The following DOCK9 variants were observed in gnomAD, a reference collection of about 807,000 sequenced individuals.
The protein encoded by DOCK9 is dedicator of cytokinesis 9.
DOCK9 carries 89 observed loss-of-function variants against 263.3 expected under a neutral mutation model. The observed-to-expected ratio is 0.34, with a 90% confidence interval of 0.28 to 0.40. The LOEUF (loss-of-function observed/expected upper bound fraction) is 0.40. Ranked by LOEUF, DOCK9 falls within the 10% of genes least tolerant of loss-of-function variation. The pLI is 1.00. For missense variants in DOCK9, 2,140 were observed against 2,603.4 expected, an observed-to-expected ratio of 0.82 and a Z score of 3.87; for synonymous variants, 976 against 973.1, an observed-to-expected ratio of 1.00 and a Z score of -0.06.
At chr13:98,958,485 G>A (rs560833898) in intron 1 of DOCK9, among the ~76,000 whole-genome samples, 6 of 152,322 alleles carry the variant, frequency 3.9e-5, no homozygotes, top group South Asian at 2.1e-4. Flanking sequence ...AGCAGGAGTC[G>A]ACAACTCTTT....
At chr13:98,809,278 G>T (rs1186676082) in intron 47 of DOCK9, 74 bp downstream of exon 47, 2 of 1,274,356 alleles carry the variant, frequency 1.6e-6, no homozygotes, top group Non-Finnish European at 2.2e-6. Flanking sequence ...CTTTATTATA[G>T]TTTTTTTTTT....
At chr13:98,802,589 G>C (rs965801020) in intron 49 of DOCK9, among the ~76,000 whole-genome samples, 7 of 152,188 alleles carry the variant, frequency 4.6e-5, no homozygotes, top group Non-Finnish European at 1.0e-4. Context: ...TGAAAGAAGT[G>C]GAGGAGGCTT....
intron 1 of DOCK9, among the ~76,000 whole-genome samples, chr13:99,052,686 G>A (rs2040751557): frequency 6.6e-6 from 1 of 151,798 alleles, no homozygotes; most frequent in Non-Finnish European, 1.5e-5. Flanking sequence ...CTGCAGCCTC[G>A]AACTCCTGGG....
At chr13:99,016,627 A>C (rs11842122) in intron 1 of DOCK9, among the ~76,000 whole-genome samples, 11,363 of 152,194 alleles carry the variant, frequency 0.075, 645 homozygotes, top group East Asian at 0.25. Context: ...CCTCACGTGA[A>C]TCTCTGGGAA....
At chr13:98,820,414 AG>A (rs1378174693) in intron 45 of DOCK9, among the ~76,000 whole-genome samples, 12 of 152,358 alleles carry the variant, frequency 7.9e-5, no homozygotes, top group South Asian at 4.1e-4. Flanking sequence ...GTTACAGGAA[AG>A]GGGTCCCAAT....
At chr13:98,840,164 G>C (rs956532666) in intron 38 of DOCK9, among the ~76,000 whole-genome samples, 3 of 152,210 alleles carry the variant, frequency 2.0e-5, no homozygotes, top group African/African-American at 4.8e-5. Context: ...ACCAACACAG[G>C]AAAATGAAGC....
chr13:98,973,871 C>T (rs2059973412), intron 1 of DOCK9, among the ~76,000 whole-genome samples: 1 of 152,212 alleles, frequency 6.6e-6, no homozygotes, highest in African/African-American at 2.4e-5. Flanking sequence ...GCTGGGATTA[C>T]AGACTTGAGC....
intron 10 of DOCK9, among the ~76,000 whole-genome samples, 198 bp from the exon 11 acceptor site, chr13:98,903,310 T>A (rs1273729700): frequency 2.0e-5 from 3 of 152,124 alleles, no homozygotes; most frequent in Non-Finnish European, 4.4e-5. Context: ...GTCAAAGACA[T>A]GGGCCGGGCA....
chr13:99,070,745 T>G (rs748359881), intron 1 of DOCK9, among the ~76,000 whole-genome samples: 12 of 152,216 alleles, frequency 7.9e-5, no homozygotes, highest in Non-Finnish European at 1.8e-4. Context: ...GAACCCAAGT[T>G]CTCATGCACT....
intron 1 of DOCK9, among the ~76,000 whole-genome samples, chr13:99,081,258 C>T (rs1259745598): frequency 1.3e-5 from 2 of 152,222 alleles, no homozygotes; most frequent in Non-Finnish European, 1.5e-5. Context: ...CGGGGTCTCA[C>T]GTTACCTCCG....
At chr13:99,080,395 A>G (rs1291420996) in intron 1 of DOCK9, among the ~76,000 whole-genome samples, 1 of 152,224 alleles carries the variant, frequency 6.6e-6, no homozygotes, top group East Asian at 1.9e-4. Context: ...TCTAGGAAGC[A>G]TATGTTCATG....
At chr13:98,926,859 C>T (rs1431471366) in intron 3 of DOCK9, among the ~76,000 whole-genome samples, 1 of 152,214 alleles carries the variant, frequency 6.6e-6, no homozygotes, top group Admixed American at 6.5e-5. Context: ...GTTTATTTGG[C>T]TCTGGCTGTA....
chr13:98,810,555 T>C (rs2091213992), intron 45 of DOCK9, among the ~76,000 whole-genome samples: 1 of 152,202 alleles, frequency 6.6e-6, no homozygotes, highest in African/African-American at 2.4e-5. Flanking sequence ...AACTGCATAA[T>C]ACATGGAAAA....
Position 98,902,253 on chromosome 13 carries a change from C to G in DOCK9, c.1380+35G>C. On this transcript the variant is annotated intron_variant, in intron 12 of 52. Coordinates refer to ENST00000682017, the MANE Select transcript of DOCK9 (RefSeq NM_001366683.2). The stretch of plus-strand genomic sequence containing the variant: ...CATTTAGGTAGCATGCAAAGTGAGT[C>G]TGAGTAGTGGGAATGCTGGGCTCAT... The G allele has an allele frequency of 1.9e-6, 3 of 1,606,120 alleles. No homozygotes were observed. The South Asian group carries it at 3.3e-5, about 18-fold the overall frequency.
chr13:98,981,933 T>A (rs1328408380), upstream of DOCK9, among the ~76,000 whole-genome samples: 1 of 152,182 alleles, frequency 6.6e-6, no homozygotes, highest in Non-Finnish European at 1.5e-5. Flanking sequence ...AAGGTGTATG[T>A]CCGACCCCCG....
intron 1 of DOCK9, among the ~76,000 whole-genome samples, chr13:99,038,288 C>CTTTTTTTTTTTTT (rs71419743): frequency 1.2e-5 from 1 of 86,262 alleles, no homozygotes; most frequent in Non-Finnish European, 2.2e-5. Flanking sequence ...TTATGCCCCC[C>CTTTTTTTTTTTTT]TTTTTTTTTT....
At chr13:99,016,638 T>C (rs1329820714) in intron 1 of DOCK9, among the ~76,000 whole-genome samples, 2 of 152,214 alleles carry the variant, frequency 1.3e-5, no homozygotes, top group Admixed American at 1.3e-4. Flanking sequence ...TCTCTGGGAA[T>C]GGCTAACAGG....
chr13:99,068,516 A>T (rs2142350423), intron 1 of DOCK9, among the ~76,000 whole-genome samples: 1 of 152,310 alleles, frequency 6.6e-6, no homozygotes, highest in Admixed American at 6.5e-5. Context: ...CAGGAGGCGG[A>T]GCCTGCAGTG....
At chr13:98,850,961 T>A (rs1360345650) in intron 35 of DOCK9, among the ~76,000 whole-genome samples, 4 of 152,200 alleles carry the variant, frequency 2.6e-5, no homozygotes, top group Non-Finnish European at 4.4e-5. Context: ...GGGCCTGAGA[T>A]AAGCAGAGAC....
Sources: allele counts gnomAD v4.1 joint callset (sites outside exome capture counted in the v4.1 genomes callset), GRCh38; gene constraint gnomAD v4.1.1; transcripts MANE v1.5; gene names NCBI Gene and HGNC (gene_info 2026-07-23, HGNC 2026-07-21).